The following TMPRSS6 variants were observed in gnomAD, a reference collection of about 807,000 sequenced individuals.
The protein encoded by TMPRSS6 is transmembrane serine protease 6, also known as transmembrane protease serine 6.
In TMPRSS6, 67 loss-of-function variants were observed where a neutral mutation model predicts 101.5. The ratio of observed to expected loss-of-function variants is 0.66; its 90% confidence interval spans 0.54 to 0.81. TMPRSS6 has a LOEUF of 0.81. TMPRSS6 is among the 30% of genes least tolerant of loss of function. The pLI, the probability that TMPRSS6 is intolerant of heterozygous loss-of-function variation, is 0.00. For missense variants in TMPRSS6, 1,034 were observed against 1,088.7 expected (o/e 0.95, Z 0.71); for synonymous variants, 453 against 464.9 (o/e 0.97, Z 0.33).
At chr22:37,095,350 C>A (rs968083987) in intron 6 of TMPRSS6, among the ~76,000 whole-genome samples, 1 of 152,092 alleles carries the variant, frequency 6.6e-6, no homozygotes, top group Admixed American at 6.5e-5. Context: ...CACGCATGCA[C>A]GTCGCCACCT....
chr22:37,074,513 A>C (rs1927432571), intron 12 of TMPRSS6, 97 bp downstream of exon 12: 1 of 1,147,932 alleles, frequency 8.7e-7, no homozygotes, highest in Admixed American at 2.0e-5. Flanking sequence ...TGGAAGCTGC[A>C]TGTAGAAGTG....
At chr22:37,089,554 C>CCCCCCTCCT in intron 7 of TMPRSS6, 24 bp downstream of exon 7, 1 of 1,443,410 alleles carries the variant, frequency 6.9e-7, no homozygotes, top group Admixed American at 1.7e-5. Flanking sequence ...GCCCTCCCTC[C>CCCCCCTCCT]TGCCCTCCTT....
chr22:37,083,784 C>T (rs1264680189), intron 10 of TMPRSS6, among the ~76,000 whole-genome samples: 3 of 152,196 alleles, frequency 2.0e-5, no homozygotes, highest in East Asian at 1.9e-4. Context: ...GCAAGTGCCC[C>T]GTTGGGGATT....
upstream of TMPRSS6, among the ~76,000 whole-genome samples, chr22:37,110,251 C>A (rs1162665732): frequency 6.7e-6 from 1 of 148,686 alleles, no homozygotes; most frequent in Non-Finnish European, 1.5e-5. Flanking sequence ...TCAAGCAATT[C>A]TCCTGCCTCA....
At position 37,071,021 on chromosome 22, in the gene TMPRSS6, C is replaced by T; in HGVS notation, c.1567G>A (p.Gly523Arg). ...TCCTCACACTGGAAGGTGAATGTCC[C>T]ACATGGCACCCCTGGGACAGAGGGG... ...EEQCQEGVPC[G>R]TFTFQCEDRS... is the part of the protein sequence containing the mutation. The change falls in exon 14 of 18, where the codon GGG becomes AGG. Residue 523 changes from glycine to arginine, a missense_variant. Transcript: ENST00000676104. 4 of 1,612,396 alleles carry T rather than the reference C, an allele frequency of 2.5e-6. No homozygotes were observed.
At position 37,103,139 on chromosome 22, in the gene TMPRSS6, G is replaced by GT; in HGVS notation, c.202+76dup. ...TAAGCACGGCTGAGCCTGGAACCCA[G>GT]TCCTGTCCTGCTGTGCCTGCTACAG... On this transcript the variant is annotated intron_variant, in intron 2 of 17. Coordinates refer to ENST00000676104, the MANE Select transcript of TMPRSS6 (RefSeq NM_001374504.1). The surrounding 1 kb of genome is among the most constrained non-coding windows in gnomAD (Gnocchi z 4.4). 1 of 1,493,870 alleles carries GT rather than the reference G, an allele frequency of 6.7e-7. No individual in the cohort carries two copies. The highest frequency in any genetic ancestry group is 9.3e-7 in the Non-Finnish European group (1 of 1,078,030). The allele number at this position is 1,493,870 out of a possible 1,614,324, so 92.5% of individuals were successfully genotyped here. A position where few individuals can be genotyped will look rare whatever the true frequency, so the allele number is the denominator to read the frequency against.
Position 37,103,852 on chromosome 22 carries a change from G to GAGC in TMPRSS6, c.-1-435_-1-434insGCT, listed in dbSNP as rs1454233649. 6.6e-6 allele frequency among the ~76,000 whole-genome samples: 1 copy of GAGC among 152,042 alleles called. No individual in the cohort carries two copies. The highest frequency in any genetic ancestry group is 1.9e-4 in the East Asian group (1 of 5,186). On this transcript the variant is annotated intron_variant, in intron 1 of 17. Coordinates refer to ENST00000676104, the MANE Select transcript of TMPRSS6 (RefSeq NM_001374504.1). This position sits in a 1 kb window ranked among gnomAD's most constrained non-coding sequence, Gnocchi z 4.4. ...ATGCTGTTTCTTGCTCCTGGTTCTG[G>GAGC]TTCACGGAGCTTCCCACCACGCCCA...
rs881144 is a variant in TMPRSS6, at chr22:37,075,250, G to T, written c.1227C>A (p.Tyr409Ter). The change falls in exon 11 of 18, where the codon TAC becomes TAA. Residue 409 changes from tyrosine to a stop codon, truncating the protein, a stop_gained. Transcript: ENST00000676104. LOFTEE classifies it high-confidence loss of function. ...RLCGLRILQPYAERIPVVATA... is the reference protein window; with the variant it reads ...RLCGLRILQP Reference sequence around the variant, plus strand: ...TGGCCACCACGGGGATCCTCTCGGCGTAGGGCTGCAGGATGCGCAAGCCAC... The same window carrying T: ...TGGCCACCACGGGGATCCTCTCGGCTTAGGGCTGCAGGATGCGCAAGCCAC... 2 of 1,613,504 alleles carry T rather than the reference G, an allele frequency of 1.2e-6. No individual in the cohort carries two copies. The highest frequency in any genetic ancestry group is 2.7e-5 in the African/African-American group (2 of 74,940).
At position 37,069,697 on chromosome 22, in the gene TMPRSS6, C is replaced by G. The variant is rs1926706129; in HGVS notation, c.1842-353G>C. Reference sequence around the variant, plus strand: ...AAAATGTAGCACAGTGCCAGGCCCCCGACACAGATTTCTTTTTTCCTGTGT... The same window carrying G: ...AAAATGTAGCACAGTGCCAGGCCCCGGACACAGATTTCTTTTTTCCTGTGT... On this transcript the variant is annotated intron_variant, in intron 15 of 17. Coordinates refer to ENST00000676104, the MANE Select transcript of TMPRSS6 (RefSeq NM_001374504.1). The surrounding 1 kb of genome is among the most constrained non-coding windows in gnomAD (Gnocchi z 4.8). Among the ~76,000 whole-genome samples the G allele has an allele frequency of 6.6e-6, 1 of 152,210 alleles. No homozygotes were observed. The highest frequency in any genetic ancestry group is 1.5e-5 in the Non-Finnish European group (1 of 68,038).
At position 37,103,217 on chromosome 22, in the gene TMPRSS6, T is replaced by C. The variant is rs1930467596; in HGVS notation, c.201A>G (p.Leu67=). ...ASAGVLLWYF[L]GYKAEVMVSQ... is the part of the protein sequence containing the mutation. ...TCCCAGGCGGTCCCACAACGTTACC[T>C]AGGAAATACCAGAGTAGCACCCCCG... Residue 67 remains leucine (L), a splice_region_variant and synonymous_variant, in exon 2 of 18, where the codon CTA becomes CTG. Transcript: ENST00000676104. This position sits in a 1 kb window ranked among gnomAD's most constrained non-coding sequence, Gnocchi z 4.4. The C allele has an allele frequency of 6.2e-7, 1 of 1,613,710 alleles. No homozygotes were observed. The highest frequency in any genetic ancestry group is 1.7e-5 in the Admixed American group (1 of 59,998).
In TMPRSS6 at chr22:37,109,523, TGCCGGGCCTGCACACAG is replaced by T. The variant is rs1468419452; in HGVS notation, c.-39_-23del. ...CTTACCTTTGGGAGCGGCAGATAGG[TGCCGGGCCTGCACACAG>T]GCCTCAGGAGCCTCTGTTTGTCCAG... On this transcript the variant is annotated 5_prime_UTR_variant, in exon 1 of 18. Transcript: ENST00000676104. 1 of 152,314 alleles carries T rather than the reference TGCCGGGCCTGCACACAG, an allele frequency of 6.6e-6. No homozygotes were observed. Among genetic ancestry groups the T allele is most frequent in the Non-Finnish European group, 1.5e-5 (1 of 68,188 alleles). 9.4% of individuals were successfully genotyped at this position (152,314 alleles called of 1,614,324 possible).
chr22:37,073,084 TAGAC>T (rs1927278775), intron 13 of TMPRSS6, among the ~76,000 whole-genome samples: 1 of 129,412 alleles, frequency 7.7e-6, no homozygotes, highest in African/African-American at 3.1e-5. Context: ...GATGGATGGA[TAGAC>T]GGATGATGGA....
At chr22:37,089,854 C>T in intron 6 of TMPRSS6, 72 bp from the exon 7 acceptor site, 2 of 1,487,720 alleles carry the variant, frequency 1.3e-6, no homozygotes, top group Non-Finnish European at 1.8e-6. Flanking sequence ...GAGCCAGGTC[C>T]CTCAAGGTCC....
Position 37,084,288 on chromosome 22 carries a change from G to A in TMPRSS6, c.1196+7C>T, listed in dbSNP as rs768055465. ...AAGGAAGCCAGAGGGAGGAGAGGAAGTGGTACCTCCTGTTCTGGATCGTCC... is the reference window on the plus strand; with the variant it reads ...AAGGAAGCCAGAGGGAGGAGAGGAAATGGTACCTCCTGTTCTGGATCGTCC... On this transcript the variant is annotated splice_region_variant and intron_variant, in intron 10 of 17. Coordinates refer to ENST00000676104, the MANE Select transcript of TMPRSS6 (RefSeq NM_001374504.1). 1.9e-6 allele frequency: 3 copies of A among 1,610,966 alleles called. No individual in the cohort carries two copies. Among genetic ancestry groups the A allele is most frequent in the Non-Finnish European group, 2.5e-6 (3 of 1,177,848 alleles).
chr22:37,096,758 G>A, intron 3 of TMPRSS6, 43 bp from the exon 4 acceptor site: 1 of 1,547,186 alleles, frequency 6.5e-7, no homozygotes, highest in Non-Finnish European at 8.8e-7. Flanking sequence ...CCTCTGCAGG[G>A]CAGACAGGCC....
intron 13 of TMPRSS6, among the ~76,000 whole-genome samples, chr22:37,072,982 GGATGGATA>G (rs1927252872): frequency 6.7e-6 from 1 of 148,652 alleles, no homozygotes; most frequent in African/African-American, 2.5e-5. Flanking sequence ...GAAGGATGAT[GGATGGATA>G]GATGGATGAT....
intron 8 of TMPRSS6, among the ~76,000 whole-genome samples, chr22:37,085,301 C>T (rs548568792): frequency 6.6e-6 from 1 of 152,212 alleles, no homozygotes; most frequent in East Asian, 1.9e-4. Flanking sequence ...CTCACCTGCC[C>T]TGGCCATCTC....
chr22:37,069,353 G>T lies in TMPRSS6; in HGVS notation c.1842-9C>A. 2 of 1,465,778 alleles carry T rather than the reference G, an allele frequency of 1.4e-6. No homozygotes were observed. The highest frequency in any genetic ancestry group is 9.2e-7 in the Non-Finnish European group (1 of 1,084,410). 90.8% of individuals were successfully genotyped at this position (1,465,778 alleles called of 1,614,324 possible). On this transcript the variant is annotated splice_polypyrimidine_tract_variant and intron_variant, in intron 15 of 17. Transcript: ENST00000676104. The surrounding 1 kb of genome is among the most constrained non-coding windows in gnomAD (Gnocchi z 4.8). ...GCACCGTGGAGGCCATGCTGGGGTG[G>T]GGTGGGGTGGGGTGGGGTGGGGTGA...
intron 10 of TMPRSS6, among the ~76,000 whole-genome samples, chr22:37,075,769 G>A (rs1209187682): frequency 6.6e-6 from 1 of 152,152 alleles, no homozygotes; most frequent in Admixed American, 6.5e-5. Flanking sequence ...AGGCATGGTG[G>A]CACATGCTTG....
Sources: allele counts gnomAD v4.1 joint callset (sites outside exome capture counted in the v4.1 genomes callset), GRCh38; gene constraint gnomAD v4.1.1; non-coding constraint Gnocchi (gnomAD v3.1); transcripts MANE v1.5; gene names NCBI Gene and HGNC (gene_info 2026-07-23, HGNC 2026-07-21).